The following AUTS2 variants were observed in gnomAD, a reference collection of about 807,000 sequenced individuals.
The protein encoded by AUTS2 is autism susceptibility gene 2 protein.
A neutral mutation model predicts 112.4 loss-of-function variants in AUTS2; 17 were observed. That is an observed-to-expected ratio of 0.15 (90% CI 0.10 to 0.23). The LOEUF (loss-of-function observed/expected upper bound fraction) is 0.23, where lower values mean the gene tolerates loss of function less well. AUTS2 is among the 10% of genes least tolerant of loss of function. The pLI is 1.00. For synonymous variants in AUTS2, 751 were observed against 702.7 expected, an observed-to-expected ratio of 1.07 and a Z score of -1.09; for missense variants, 1,510 against 1,701.6, an observed-to-expected ratio of 0.89 and a Z score of 1.98.
chr7:70,525,307 T>A (rs1799797272), intron 5 of AUTS2, among the ~76,000 whole-genome samples: 2 of 152,178 alleles, frequency 1.3e-5, no homozygotes, highest in African/African-American at 4.8e-5. Flanking sequence ...TTTGATTGCC[T>A]CTCCTAAAAG....
At chr7:70,638,736 A>G (rs992541702) in intron 5 of AUTS2, among the ~76,000 whole-genome samples, 20 of 152,128 alleles carry the variant, frequency 1.3e-4, no homozygotes, top group Non-Finnish European at 2.6e-4. Flanking sequence ...TGCATGTAAG[A>G]TGGATTTGAT....
intron 5 of AUTS2, among the ~76,000 whole-genome samples, chr7:70,680,596 T>C (rs1165211829): frequency 1.3e-5 from 2 of 152,154 alleles, no homozygotes; most frequent in Non-Finnish European, 2.9e-5. Context: ...ACTCAGCTGG[T>C]CATTTTGCAA....
intron 2 of AUTS2, among the ~76,000 whole-genome samples, chr7:70,114,725 G>A (rs773481650): frequency 1.3e-5 from 2 of 152,012 alleles, no homozygotes; most frequent in Non-Finnish European, 2.9e-5. Flanking sequence ...CGCTTGAACC[G>A]GGGAGGCGGA....
intron 4 of AUTS2, among the ~76,000 whole-genome samples, chr7:70,213,818 G>C (rs1176065002): frequency 1.3e-5 from 2 of 152,146 alleles, no homozygotes; most frequent in Non-Finnish European, 2.9e-5. Flanking sequence ...TAATTCTCAG[G>C]CTTTATTTGT....
chr7:69,980,038 C>T (rs1798230339), intron 2 of AUTS2, among the ~76,000 whole-genome samples: 1 of 152,184 alleles, frequency 6.6e-6, no homozygotes, highest in Non-Finnish European at 1.5e-5. Flanking sequence ...TATCCCTTCT[C>T]TTCTCCACAT....
intron 5 of AUTS2, among the ~76,000 whole-genome samples, chr7:70,696,374 C>T (rs913097980): frequency 4.6e-5 from 7 of 152,096 alleles, no homozygotes; most frequent in East Asian, 3.9e-4. Flanking sequence ...TCTGGGGAGG[C>T]CTTTCTGAGA....
At chr7:69,876,103 A>G (rs1252432627) in intron 1 of AUTS2, among the ~76,000 whole-genome samples, 1 of 151,222 alleles carries the variant, frequency 6.6e-6, no homozygotes, top group Non-Finnish European at 1.5e-5. Flanking sequence ...GTGGTGGCTC[A>G]TATCTGTAAT....
rs113221261 is a variant in AUTS2 at position 70,325,282 on chromosome 7, C to A, written c.661-110470C>A. ...GAGGCTGCAGGGAGCTGTGATGGTA[C>A]CACTTCACTCCAGCCGGAGTGACAG... On this transcript the variant is annotated intron_variant, in intron 4 of 18. Coordinates refer to ENST00000342771, the MANE Select transcript of AUTS2 (RefSeq NM_015570.4). 2.5e-4 allele frequency among the ~76,000 whole-genome samples: 38 copies of A among 152,112 alleles called. 2 individuals are homozygous for A. Among genetic ancestry groups the A allele is most frequent in the African/African-American group, 8.7e-4 (36 of 41,490 alleles).
intron 1 of AUTS2, among the ~76,000 whole-genome samples, chr7:69,850,849 T>C (rs1792445963): frequency 6.6e-6 from 1 of 152,234 alleles, no homozygotes; most frequent in Admixed American, 6.5e-5. Context: ...TTTTTAATTT[T>C]GGTGAGGTCA....
At chr7:69,790,685 G>T (rs1191603452) in intron 1 of AUTS2, among the ~76,000 whole-genome samples, 3 of 152,232 alleles carry the variant, frequency 2.0e-5, no homozygotes, top group African/African-American at 7.2e-5. Context: ...CACATAGCAA[G>T]TACTATTTAA....
intron 4 of AUTS2, among the ~76,000 whole-genome samples, chr7:70,253,116 A>C (rs1187890511): frequency 6.6e-6 from 1 of 152,092 alleles, no homozygotes; most frequent in Non-Finnish European, 1.5e-5. Flanking sequence ...TACTCATTTC[A>C]TATTTGGCCA....
intron 2 of AUTS2, among the ~76,000 whole-genome samples, chr7:70,104,426 GTTAATTC>G (rs1482932679): frequency 2.0e-5 from 3 of 152,254 alleles, no homozygotes; most frequent in South Asian, 4.1e-4. Flanking sequence ...GAAAACAGTT[GTTAATTC>G]TCTACTTCAC....
Position 69,795,393 on chromosome 7 carries a change from C to G in AUTS2, c.310-103893C>G, listed in dbSNP as rs1789795011. ...AGAGTTGTGAATCAGAAAGTTAACT[C>G]TTGTAGCCAGGCGGAGTGGCTCATA... is the stretch of plus-strand genomic sequence containing the variant. On this transcript the variant is annotated intron_variant, in intron 1 of 18. Coordinates refer to ENST00000342771, the MANE Select transcript of AUTS2 (RefSeq NM_015570.4). Among the ~76,000 whole-genome samples the G allele has an allele frequency of 2.6e-5, 4 of 152,240 alleles. No individual in the cohort carries two copies. The South Asian group carries it at 6.2e-4, about 24-fold the overall frequency.
chr7:69,753,280 G>T (rs1252663853), intron 1 of AUTS2, among the ~76,000 whole-genome samples: 1 of 152,006 alleles, frequency 6.6e-6, no homozygotes, highest in Admixed American at 6.6e-5. Flanking sequence ...TTTGTCTGGT[G>T]TGCCTCTAGA....
In AUTS2 at chr7:69,899,191, G is replaced by A; in HGVS notation, c.310-95G>A. 3 of 891,984 alleles carry A rather than the reference G, an allele frequency of 3.4e-6. No individual in the cohort carries two copies. The South Asian group carries it at 4.5e-5, about 13-fold the overall frequency. The allele number at this position is 891,984 out of a possible 1,614,324, so 55.3% of individuals were successfully genotyped here. Reference sequence around the variant, plus strand: ...CACTTTCCTATCCCTCTCCCACTTAGTAGTAACACCCTTTAGTATTTAGCC... The same window carrying A: ...CACTTTCCTATCCCTCTCCCACTTAATAGTAACACCCTTTAGTATTTAGCC... On this transcript the variant is annotated intron_variant, in intron 1 of 18. Coordinates refer to ENST00000342771, the MANE Select transcript of AUTS2 (RefSeq NM_015570.4).
At position 70,528,585 on chromosome 7, in the gene AUTS2, G is replaced by A. The variant is rs539769452; in HGVS notation, c.690+92804G>A. On this transcript the variant is annotated intron_variant, in intron 5 of 18. Transcript: ENST00000342771. ...ATAAGTTTCTAATTCGGAGAGGTGA[G>A]CAAGGATCCACAGGTTAAGCAGACT... 6.6e-5 allele frequency among the ~76,000 whole-genome samples: 10 copies of A among 152,116 alleles called. No homozygotes were observed. In the South Asian group the frequency reaches 1.9e-3, roughly 29 times the overall value.
At chr7:69,956,096 T>A (rs1797198695) in intron 2 of AUTS2, among the ~76,000 whole-genome samples, 1 of 151,986 alleles carries the variant, frequency 6.6e-6, no homozygotes, top group African/African-American at 2.4e-5. Flanking sequence ...CAAATCTCAC[T>A]TAGGCCTGGT....
At chr7:69,903,367 A>T (rs1795040727) in intron 2 of AUTS2, among the ~76,000 whole-genome samples, 3 of 152,174 alleles carry the variant, frequency 2.0e-5, no homozygotes, top group South Asian at 4.1e-4. Flanking sequence ...GACCATGGAG[A>T]ATTCTTAAAA....
intron 2 of AUTS2, among the ~76,000 whole-genome samples, chr7:69,959,623 G>A (rs1202854644): frequency 6.6e-6 from 1 of 152,024 alleles, no homozygotes; most frequent in African/African-American, 2.4e-5. Context: ...TACTGTCACT[G>A]CATCTCAGGA....
Sources: allele counts gnomAD v4.1 joint callset (sites outside exome capture counted in the v4.1 genomes callset), GRCh38; gene constraint gnomAD v4.1.1; transcripts MANE v1.5; gene names NCBI Gene and HGNC (gene_info 2026-07-23, HGNC 2026-07-21).